The following PIK3CB variants were observed in gnomAD, a reference collection of about 807,000 sequenced individuals.
The protein encoded by PIK3CB is phosphatidylinositol-4,5-bisphosphate 3-kinase catalytic subunit beta.
PIK3CB carries 39 observed loss-of-function variants against 136.8 expected under a neutral mutation model. That is an observed-to-expected ratio of 0.29 (90% CI 0.22 to 0.37). The LOEUF (loss-of-function observed/expected upper bound fraction) is 0.37. Among genes scored for constraint, PIK3CB ranks in the 10% least tolerant of loss-of-function variants. The pLI is 1.00. For missense variants in PIK3CB, 868 were observed against 1,275.4 expected (o/e 0.68, Z 4.87); for synonymous variants, 428 against 436.6 (o/e 0.98, Z 0.25).
At chr3:138,817,324 G>C (rs182528091) in intron 1 of PIK3CB, among the ~76,000 whole-genome samples, 1 of 151,608 alleles carries the variant, frequency 6.6e-6, no homozygotes, top group African/African-American at 2.4e-5. Context: ...GGGCGACAGC[G>C]AGACTCCATC....
At chr3:138,830,952 A>G (rs1452179096) in intron 1 of PIK3CB, among the ~76,000 whole-genome samples, 2 of 143,212 alleles carry the variant, frequency 1.4e-5, no homozygotes, top group Non-Finnish European at 3.0e-5. Context: ...TAATAATAAT[A>G]AAGCAGGAAC....
chr3:138,772,776 T>C (rs985352457), intron 2 of PIK3CB, among the ~76,000 whole-genome samples: 1 of 149,532 alleles, frequency 6.7e-6, no homozygotes, highest in African/African-American at 2.5e-5. Flanking sequence ...ACCCGGCTAT[T>C]TATTCTCTTT....
Position 138,737,903 on chromosome 3 carries a change from A to G in PIK3CB, c.622-17T>C. 1 of 1,525,812 alleles carries G rather than the reference A, an allele frequency of 6.6e-7. No individual in the cohort carries two copies. Among genetic ancestry groups the G allele is most frequent in the Non-Finnish European group, 8.9e-7 (1 of 1,122,052 alleles). 94.5% of individuals were successfully genotyped at this position (1,525,812 alleles called of 1,614,324 possible). A position where few individuals can be genotyped will look rare whatever the true frequency, so the allele number is the denominator to read the frequency against. ...AAACACGTCCTGAAGGGGGAGGGAG[A>G]TGGGGAAAAAAGCAGTAAATGTTAT... On this transcript the variant is annotated splice_polypyrimidine_tract_variant and intron_variant, in intron 5 of 23. Coordinates refer to ENST00000674063, the MANE Select transcript of PIK3CB (RefSeq NM_006219.3).
chr3:138,812,019 A>G (rs1366827212), intron 1 of PIK3CB, among the ~76,000 whole-genome samples: 1 of 151,976 alleles, frequency 6.6e-6, no homozygotes, highest in Non-Finnish European at 1.5e-5. Flanking sequence ...TGAGCTCAAG[A>G]GTTTGAGGCT....
chr3:138,784,419 CCCCTCT>C (rs1242503890), intron 2 of PIK3CB, among the ~76,000 whole-genome samples: 4 of 151,970 alleles, frequency 2.6e-5, no homozygotes, highest in East Asian at 3.9e-4. Flanking sequence ...CCTCCCCCTC[CCCCTCT>C]CCCTCTCGTC....
In PIK3CB at chr3:138,712,172, A is replaced by G. The variant is rs780102374; in HGVS notation, c.1399+36T>C. Reference sequence around the variant, plus strand: ...CTAGTCCACATGCCAAAAGTTAGTTATGCTTTAACACTAAGGATAAGAATG... The same window carrying G: ...CTAGTCCACATGCCAAAAGTTAGTTGTGCTTTAACACTAAGGATAAGAATG... On this transcript the variant is annotated intron_variant, in intron 10 of 23. Transcript: ENST00000674063. The G allele has an allele frequency of 5.9e-6, 6 of 1,024,690 alleles. No homozygotes were observed. In the African/African-American group the frequency reaches 9.7e-5, roughly 17 times the overall value. The allele number at this position is 1,024,690 out of a possible 1,614,324, so 63.5% of individuals were successfully genotyped here.
chr3:138,753,801 A>C (rs2045516423), intron 4 of PIK3CB, among the ~76,000 whole-genome samples: 1 of 152,072 alleles, frequency 6.6e-6, no homozygotes, highest in Non-Finnish European at 1.5e-5. Flanking sequence ...AAGAGACCCT[A>C]TTTAAAAAAG....
At chr3:138,799,123 G>A (rs2046141556) in intron 1 of PIK3CB, among the ~76,000 whole-genome samples, 5 of 151,508 alleles carry the variant, frequency 3.3e-5, no homozygotes, top group Admixed American at 3.3e-4. Flanking sequence ...TCGGGAGGCT[G>A]AGGCTATGCT....
chr3:138,700,692 AAGATAGATAGATAGATAGATAGAT>A (rs56054471), intron 12 of PIK3CB, among the ~76,000 whole-genome samples: 1,949 of 143,988 alleles, frequency 0.014, 41 homozygotes, highest in Middle Eastern at 0.048. Flanking sequence ...TGACTCTAAA[AAGATAGATAGATAGATAGATAGAT>A]AGATAGATAG....
intron 11 of PIK3CB, among the ~76,000 whole-genome samples, chr3:138,705,765 T>TC (rs1253357559): frequency 2.6e-5 from 4 of 152,204 alleles, no homozygotes; most frequent in Non-Finnish European, 5.9e-5. Flanking sequence ...CATTTTTTTT[T>TC]CTCCAGAGAC....
At chr3:138,697,589 T>C (rs139576842) in intron 13 of PIK3CB, among the ~76,000 whole-genome samples, 20 of 152,212 alleles carry the variant, frequency 1.3e-4, no homozygotes, top group East Asian at 5.8e-4. Flanking sequence ...TGCACCACCA[T>C]GTCTGGTTAA....
intron 10 of PIK3CB, among the ~76,000 whole-genome samples, chr3:138,711,945 A>T (rs1365373854): frequency 1.3e-5 from 2 of 151,842 alleles, no homozygotes; most frequent in African/African-American, 4.8e-5. Flanking sequence ...CCTTGTCTCG[A>T]CAAAATAAAA....
chr3:138,700,080 G>C (rs574691584), intron 12 of PIK3CB, among the ~76,000 whole-genome samples: 17 of 152,226 alleles, frequency 1.1e-4, no homozygotes, highest in Non-Finnish European at 2.9e-5. Context: ...TAAATAGCTA[G>C]GTATAGTGGC....
chr3:138,790,813 CAAAAA>C (rs1166123184), intron 2 of PIK3CB, among the ~76,000 whole-genome samples: 1 of 70,858 alleles, frequency 1.4e-5, no homozygotes, highest in Admixed American at 1.6e-4. Context: ...GACTCCTTCT[CAAAAA>C]AAAAAAAAAA....
At chr3:138,697,605 G>C (rs1010973790) in intron 13 of PIK3CB, among the ~76,000 whole-genome samples, 1 of 152,004 alleles carries the variant, frequency 6.6e-6, no homozygotes, top group African/African-American at 2.4e-5. Flanking sequence ...GTTAATTTTT[G>C]TATTTGTTGT....
chr3:138,808,677 T>C (rs960053518), intron 1 of PIK3CB, among the ~76,000 whole-genome samples: 3 of 151,732 alleles, frequency 2.0e-5, no homozygotes, highest in Non-Finnish European at 4.4e-5. Context: ...AGCAAGACTC[T>C]GTCTCAAAAC....
intron 2 of PIK3CB, among the ~76,000 whole-genome samples, chr3:138,766,368 TAA>T (rs968181182): frequency 2.6e-5 from 4 of 152,214 alleles, no homozygotes; most frequent in African/African-American, 9.6e-5. Flanking sequence ...AATAATTCAC[TAA>T]GTTTTTATGT....
At chr3:138,726,913 T>C (rs914358778) in intron 8 of PIK3CB, among the ~76,000 whole-genome samples, 6 of 147,772 alleles carry the variant, frequency 4.1e-5, no homozygotes, top group Admixed American at 6.8e-5. Context: ...TAGCTGGGTG[T>C]GGTGGTGCAT....
At chr3:138,815,164 TATATATATATATAC>T (rs1223595684) in intron 1 of PIK3CB, among the ~76,000 whole-genome samples, 3 of 68,756 alleles carry the variant, frequency 4.4e-5, no homozygotes, top group African/African-American at 2.1e-4. Flanking sequence ...AAAAAAAAAA[TATATATATATATAC>T]ATATATATAT....
Sources: gnomAD v4.1 joint callset for allele counts (sites outside exome capture counted in the v4.1 genomes callset) on GRCh38, gnomAD v4.1.1 for gene constraint, MANE v1.5 for transcripts, NCBI Gene and HGNC (gene_info 2026-07-23, HGNC 2026-07-21) for gene names.